TLL2: variants seen among roughly 807,000 people sequenced by gnomAD.
TLL2 encodes the protein tolloid-like protein 2.
A neutral mutation model predicts 123.0 loss-of-function variants in TLL2; 106 were observed. The ratio of observed to expected loss-of-function variants is 0.86; its 90% CI spans 0.74 to 1.01. The LOEUF (loss-of-function observed/expected upper bound fraction) is 1.01. Among genes scored for constraint, TLL2 ranks in the 50% least tolerant of loss-of-function variants. The pLI, the probability that TLL2 is intolerant of heterozygous loss-of-function variation, is 0.00. For missense variants in TLL2, 1,332 were observed against 1,336.7 expected (o/e 1.00, Z 0.06); for synonymous variants, 494 against 516.8 (o/e 0.96, Z 0.60).
chr10:96,511,769 C>A (rs1390727951), intron 1 of TLL2, among the ~76,000 whole-genome samples: 2 of 152,240 alleles, frequency 1.3e-5, no homozygotes, highest in African/African-American at 2.4e-5. Flanking sequence ...TCAATCACTT[C>A]CCCACTCCGG....
intron 1 of TLL2, among the ~76,000 whole-genome samples, chr10:96,483,697 G>A (rs140194398): frequency 4.1e-4 from 63 of 152,230 alleles, no homozygotes; most frequent in African/African-American, 1.5e-3. Context: ...TTGTATATAC[G>A]GGAGGAGAAG....
intron 2 of TLL2, among the ~76,000 whole-genome samples, chr10:96,452,431 G>C (rs1046291116): frequency 4.6e-5 from 7 of 152,232 alleles, no homozygotes; most frequent in African/African-American, 1.4e-4. Context: ...ACCTGCGAGG[G>C]ACACAGGTCC....
intron 6 of TLL2, among the ~76,000 whole-genome samples, chr10:96,421,618 C>A (rs749713128): frequency 3.4e-4 from 51 of 151,228 alleles, no homozygotes; most frequent in African/African-American, 1.2e-3. Flanking sequence ...GAGCCAAGAT[C>A]GCACCACTGC....
Position 96,476,240 on chromosome 10 carries a change from A to ATTTTTTTT in TLL2, c.286+4108_286+4109insAAAAAAAA, listed in dbSNP as rs1554939630. 2.0e-4 allele frequency among the ~76,000 whole-genome samples: 4 copies of ATTTTTTTT among 20,496 alleles called. No homozygotes were observed. In the South Asian group the frequency reaches 5.2e-3, roughly 27 times the overall value. The allele number at this position is 20,496 out of a possible 152,430, so 13.4% of individuals were successfully genotyped here. On this transcript the variant is annotated intron_variant, in intron 2 of 20. Coordinates refer to ENST00000357947, the MANE Select transcript of TLL2 (RefSeq NM_012465.4). ...TTTATATGTATATATATATATATAT[A>ATTTTTTTT]TTTTATTTTTGTTGTTGTTGTTGTT...
At chr10:96,469,436 G>A (rs1426069573) in intron 2 of TLL2, among the ~76,000 whole-genome samples, 1 of 152,228 alleles carries the variant, frequency 6.6e-6, no homozygotes, top group African/African-American at 2.4e-5. Context: ...TTTCTGATGG[G>A]ATTTGCCTGG....
At chr10:96,403,475 T>C (rs1210293826) in intron 10 of TLL2, among the ~76,000 whole-genome samples, 1 of 152,224 alleles carries the variant, frequency 6.6e-6, no homozygotes, top group African/African-American at 2.4e-5. Context: ...AATCGAGGTT[T>C]AAGGGATCTA....
At chr10:96,498,370 A>G (rs1310054076) in intron 1 of TLL2, among the ~76,000 whole-genome samples, 1 of 152,202 alleles carries the variant, frequency 6.6e-6, no homozygotes, top group East Asian at 1.9e-4. Context: ...ATAATCCTTA[A>G]GATTCCTTCC....
chr10:96,472,613 T>G (rs893311132), intron 2 of TLL2, among the ~76,000 whole-genome samples: 58 of 151,838 alleles, frequency 3.8e-4, no homozygotes, highest in African/African-American at 1.3e-3. Flanking sequence ...AATACAAAAA[T>G]TAGCCAGGCA....
chr10:96,509,830 C>T (rs940560205), intron 1 of TLL2, among the ~76,000 whole-genome samples: 13 of 152,178 alleles, frequency 8.5e-5, no homozygotes, highest in Admixed American at 6.5e-5. Flanking sequence ...GCCTGTAGTC[C>T]CAGCTACTCG....
intron 2 of TLL2, among the ~76,000 whole-genome samples, chr10:96,448,536 A>G (rs1365469723): frequency 6.6e-6 from 1 of 152,132 alleles, no homozygotes; most frequent in Non-Finnish European, 1.5e-5. Flanking sequence ...ACAAGTATCT[A>G]TCCAACACCT....
chr10:96,373,879 T>G, intron 18 of TLL2, 70 bp from the exon 19 acceptor site: 1 of 1,443,556 alleles, frequency 6.9e-7, no homozygotes, highest in Non-Finnish European at 9.6e-7. Flanking sequence ...TCCTTTCCAG[T>G]TCTGGGACAG....
chr10:96,481,331 T>A (rs1361412432), intron 1 of TLL2, among the ~76,000 whole-genome samples: 1 of 152,130 alleles, frequency 6.6e-6, no homozygotes, highest in Non-Finnish European at 1.5e-5. Flanking sequence ...ATTTTTTTTG[T>A]ACAGACAGGG....
intron 2 of TLL2, among the ~76,000 whole-genome samples, chr10:96,476,233 T>C (rs1847245773): frequency 2.5e-5 from 1 of 39,384 alleles, no homozygotes; most frequent in Non-Finnish European, 5.9e-5. Context: ...TATATATATA[T>C]ATATATATTT....
chr10:96,392,029 C>T (rs1273986141), intron 13 of TLL2, among the ~76,000 whole-genome samples: 2 of 152,244 alleles, frequency 1.3e-5, no homozygotes, highest in Admixed American at 6.5e-5. Context: ...TGTCATCGCG[C>T]ATTTGCTGCT....
intron 13 of TLL2, among the ~76,000 whole-genome samples, chr10:96,391,366 C>G (rs890963402): frequency 6.6e-6 from 1 of 152,234 alleles, no homozygotes; most frequent in African/African-American, 2.4e-5. Context: ...AACATGGGAC[C>G]AGCACCTCAA....
chr10:96,420,408 C>T (rs1191568034), intron 7 of TLL2, among the ~76,000 whole-genome samples: 2 of 152,250 alleles, frequency 1.3e-5, no homozygotes, highest in Admixed American at 6.5e-5. Context: ...TACTTGAATA[C>T]AGCGGCTTCC....
chr10:96,481,745 G>A (rs1847313884), intron 1 of TLL2, among the ~76,000 whole-genome samples: 1 of 152,142 alleles, frequency 6.6e-6, no homozygotes, highest in Admixed American at 6.5e-5. Context: ...TGTTTGACAA[G>A]GTTCTACAAG....
chr10:96,478,468 ACCCC>A (rs1215477866), intron 2 of TLL2, among the ~76,000 whole-genome samples: 1 of 151,794 alleles, frequency 6.6e-6, no homozygotes, highest in Non-Finnish European at 1.5e-5. Flanking sequence ...ATGACCCAGC[ACCCC>A]CACTCCTGGG....
chr10:96,510,999 C>T (rs1847624447), intron 1 of TLL2, among the ~76,000 whole-genome samples: 2 of 152,272 alleles, frequency 1.3e-5, no homozygotes, highest in Middle Eastern at 3.4e-3. Flanking sequence ...CCCGGTAACA[C>T]AGATCCTGAA....
Sources: allele counts gnomAD v4.1 joint callset (sites outside exome capture counted in the v4.1 genomes callset), GRCh38; gene constraint gnomAD v4.1.1; transcripts MANE v1.5; gene names NCBI Gene and HGNC (gene_info 2026-07-23, HGNC 2026-07-21).